The following PCDH7 variants were observed in gnomAD, a reference collection of about 807,000 sequenced individuals.
PCDH7 encodes protocadherin 7, also known as protocadherin-7.
Under a neutral mutation model 58.9 loss-of-function variants are expected in PCDH7, and 17 were observed. That is an observed-to-expected ratio of 0.29 (90% confidence interval 0.20 to 0.43). PCDH7 has a LOEUF of 0.43. PCDH7 is among the 20% of genes least tolerant of loss of function. The probability of loss-of-function intolerance (pLI) is 1.00; values close to 1 mark genes in which losing one functional copy is unlikely to be tolerated. For synonymous variants in PCDH7, 664 were observed against 616.4 expected (o/e 1.08, Z -1.14); for missense variants, 1,274 against 1,441.0 (o/e 0.88, Z 1.88).
chr4:30,835,636 C>T (rs538362577), intron 1 of PCDH7, among the ~76,000 whole-genome samples: 1 of 152,086 alleles, frequency 6.6e-6, no homozygotes, highest in Non-Finnish European at 1.5e-5. Flanking sequence ...AGTAGGAGCA[C>T]AAGCCCAGGG....
chr4:30,834,193 G>A (rs181635844), intron 1 of PCDH7, among the ~76,000 whole-genome samples: 17 of 152,208 alleles, frequency 1.1e-4, no homozygotes, highest in Non-Finnish European at 2.2e-4. Flanking sequence ...TAGGGCACTG[G>A]CCTAGAAAGT....
intron 3 of PCDH7, among the ~76,000 whole-genome samples, chr4:30,996,350 A>G (rs1344589082): frequency 6.6e-6 from 1 of 152,240 alleles, no homozygotes; most frequent in Non-Finnish European, 1.5e-5. Context: ...TTCCTCAGGT[A>G]GACTAATAAC....
At chr4:31,134,592 TTG>T (rs1719373030) in intron 3 of PCDH7, among the ~76,000 whole-genome samples, 1 of 152,248 alleles carries the variant, frequency 6.6e-6, no homozygotes, top group Non-Finnish European at 1.5e-5. Flanking sequence ...GCCTATTGCT[TTG>T]TCAATGAACT....
intron 2 of PCDH7, among the ~76,000 whole-genome samples, chr4:30,933,113 G>A (rs1209427532): frequency 2.6e-5 from 4 of 151,416 alleles, no homozygotes; most frequent in Admixed American, 2.0e-4. Flanking sequence ...TGCAACCTCC[G>A]CTTCCTGGGT....
At position 30,831,434 on chromosome 4, in the gene PCDH7, G is replaced by T. The variant is rs554428347; in HGVS notation, c.71-88719G>T. On this transcript the variant is annotated intron_variant, in intron 1 of 3. Coordinates refer to the PCDH7 transcript ENST00000509759. ...AAATGAGTATAACAACTATACATAGGGTAATATCAGTTTTAAACTGTATTA... is the reference window on the plus strand; with the variant it reads ...AAATGAGTATAACAACTATACATAGTGTAATATCAGTTTTAAACTGTATTA... Among the ~76,000 whole-genome samples, 13 of 151,990 alleles carry T rather than the reference G, an allele frequency of 8.6e-5. No homozygotes were observed. The East Asian group carries it at 2.5e-3, about 29-fold the overall frequency.
At chr4:30,805,629 C>T (rs192131375) in intron 1 of PCDH7, among the ~76,000 whole-genome samples, 30 of 152,306 alleles carry the variant, frequency 2.0e-4, no homozygotes, top group Admixed American at 3.9e-4. Context: ...AAACGTTTCT[C>T]ATGAGTGAAG....
chr4:30,995,253 C>T (rs1474075036), intron 3 of PCDH7, among the ~76,000 whole-genome samples: 1 of 152,144 alleles, frequency 6.6e-6, no homozygotes, highest in African/African-American at 2.4e-5. Context: ...CACGGTGGCT[C>T]ATGCCTGTAA....
intron 1 of PCDH7, among the ~76,000 whole-genome samples, chr4:30,893,823 T>A (rs1317373162): frequency 6.6e-6 from 1 of 152,100 alleles, no homozygotes; most frequent in Admixed American, 6.6e-5. Flanking sequence ...TATGAAAAAT[T>A]GACTCTGCTG....
rs143242384 is a variant in PCDH7, at chr4:31,001,226, T to G, written c.*7+51011T>G. On this transcript the variant is annotated intron_variant, in intron 3 of 3. Coordinates refer to the PCDH7 transcript ENST00000509759. ...AATTAAAAAATATTAGGTAAAGTCATGTAGTATAATTTGATTCCCAATACA... is the reference window on the plus strand; with the variant it reads ...AATTAAAAAATATTAGGTAAAGTCAGGTAGTATAATTTGATTCCCAATACA... Among the ~76,000 whole-genome samples, 3 of 152,188 alleles carry G rather than the reference T, an allele frequency of 2.0e-5. No homozygotes were observed. In the East Asian group the frequency reaches 5.8e-4, roughly 29 times the overall value.
chr4:30,792,325 G>A (rs1203002728), intron 1 of PCDH7, among the ~76,000 whole-genome samples: 1 of 152,134 alleles, frequency 6.6e-6, no homozygotes, highest in African/African-American at 2.4e-5. Context: ...GGAGTACATA[G>A]TATCATGTGT....
intron 3 of PCDH7, among the ~76,000 whole-genome samples, chr4:31,130,730 A>G (rs934920206): frequency 6.6e-6 from 1 of 152,168 alleles, no homozygotes; most frequent in South Asian, 2.1e-4. Flanking sequence ...GAGCATGCCT[A>G]CATTCCTTTT....
At chr4:31,125,157 G>A (rs932873613) in intron 3 of PCDH7, among the ~76,000 whole-genome samples, 4 of 151,872 alleles carry the variant, frequency 2.6e-5, no homozygotes, top group African/African-American at 9.7e-5. Context: ...ATTTTGACTT[G>A]GATACAAAAT....
At chr4:31,021,325 A>G (rs1369353856) in intron 3 of PCDH7, among the ~76,000 whole-genome samples, 1 of 152,166 alleles carries the variant, frequency 6.6e-6, no homozygotes, top group East Asian at 1.9e-4. Flanking sequence ...ATCACCACAC[A>G]AACAAAAATT....
intron 1 of PCDH7, among the ~76,000 whole-genome samples, chr4:30,767,017 G>A (rs183785152): frequency 4.0e-4 from 60 of 151,856 alleles, no homozygotes; most frequent in African/African-American, 1.3e-3. Flanking sequence ...AGTTTGACCC[G>A]TTGGTATAAA....
chr4:30,762,859 A>G (rs1033030126), intron 1 of PCDH7, among the ~76,000 whole-genome samples: 1 of 152,214 alleles, frequency 6.6e-6, no homozygotes, highest in Non-Finnish European at 1.5e-5. Flanking sequence ...TGTCATTAGA[A>G]TGGACATACA....
chr4:30,926,166 T>A (rs1309350082), intron 2 of PCDH7, among the ~76,000 whole-genome samples: 4 of 147,728 alleles, frequency 2.7e-5, no homozygotes, highest in African/African-American at 1.0e-4. Context: ...GATAAATAGT[T>A]GGGATTATTA....
chr4:31,105,187 C>A (rs1007004117), intron 3 of PCDH7, among the ~76,000 whole-genome samples: 1 of 152,092 alleles, frequency 6.6e-6, no homozygotes, highest in Non-Finnish European at 1.5e-5. Context: ...TCATTTACTT[C>A]TTTGTGTATA....
At chr4:30,996,244 G>T (rs887055958) in intron 3 of PCDH7, among the ~76,000 whole-genome samples, 2 of 151,946 alleles carry the variant, frequency 1.3e-5, no homozygotes, top group African/African-American at 4.8e-5. Flanking sequence ...ATAGCCAAAG[G>T]CCAACACATG....
At chr4:31,131,563 T>G (rs6820584) in intron 3 of PCDH7, among the ~76,000 whole-genome samples, 87,059 of 151,978 alleles carry the variant, frequency 0.57, 28,221 homozygotes, top group African/African-American at 0.88. Flanking sequence ...AGCTCCCAGA[T>G]CTTCATCCCT....
Sources: gnomAD v4.1 joint callset for allele counts (sites outside exome capture counted in the v4.1 genomes callset) on GRCh38, gnomAD v4.1.1 for gene constraint, MANE v1.5 for transcripts, NCBI Gene and HGNC (gene_info 2026-07-23, HGNC 2026-07-21) for gene names.